FBXL17: variants seen among roughly 807,000 people sequenced by gnomAD.
FBXL17 encodes the protein F-box and leucine rich repeat protein 17.
Under a neutral mutation model 66.2 loss-of-function variants are expected in FBXL17, and 22 were observed. The observed-to-expected ratio is 0.33, with a 90% CI of 0.24 to 0.47. FBXL17 has a LOEUF of 0.47. Ranked by LOEUF, FBXL17 falls within the 20% of genes least tolerant of loss-of-function variation. The pLI, the probability that FBXL17 is intolerant of heterozygous loss-of-function variation, is 1.00. For synonymous variants in FBXL17, 474 were observed against 400.5 expected (o/e 1.18, Z -2.19); for missense variants, 878 against 948.2 (o/e 0.93, Z 0.97).
At chr5:108,156,261 A>C (rs1013042852) in intron 6 of FBXL17, among the ~76,000 whole-genome samples, 10 of 152,050 alleles carry the variant, frequency 6.6e-5, no homozygotes, top group African/African-American at 2.4e-4. Context: ...CACCTAGCAC[A>C]GTGTCAGAAT....
At chr5:108,346,151 A>G (rs868343682) in intron 4 of FBXL17, among the ~76,000 whole-genome samples, 1 of 152,128 alleles carries the variant, frequency 6.6e-6, no homozygotes, top group Non-Finnish European at 1.5e-5. Context: ...TTATTTCATA[A>G]ATTTTAAAAA....
intron 6 of FBXL17, among the ~76,000 whole-genome samples, chr5:108,043,577 T>G (rs532310737): frequency 6.6e-6 from 1 of 152,312 alleles, no homozygotes; most frequent in South Asian, 2.1e-4. Flanking sequence ...TCTGTTCCAT[T>G]AATCTGTATG....
At chr5:108,254,332 T>C (rs1414170308) in intron 4 of FBXL17, among the ~76,000 whole-genome samples, 1 of 152,242 alleles carries the variant, frequency 6.6e-6, no homozygotes, top group East Asian at 1.9e-4. Context: ...TATTCTCTGG[T>C]ATTTTAGAGG....
In FBXL17 at chr5:108,258,729, C is replaced by T. The variant is rs529228926; in HGVS notation, c.1507-34501G>A. On this transcript the variant is annotated intron_variant, in intron 4 of 8. Transcript: ENST00000542267. ...TAATTAAGGAAGTCAGGATAAATGG[C>T]CTTTAACATTTTTTTTTTTTTTTTT... Among the ~76,000 whole-genome samples, 24 of 147,882 alleles carry T rather than the reference C, an allele frequency of 1.6e-4. No homozygotes were observed. In the East Asian group the frequency reaches 4.9e-3, roughly 30 times the overall value.
intron 6 of FBXL17, among the ~76,000 whole-genome samples, chr5:108,052,874 G>A (rs1747537727): frequency 6.6e-6 from 1 of 152,082 alleles, no homozygotes; most frequent in Non-Finnish European, 1.5e-5. Flanking sequence ...ACAGAACAGA[G>A]ACCTCAGAAA....
intron 7 of FBXL17, among the ~76,000 whole-genome samples, chr5:107,897,921 G>T (rs192192567): frequency 1.6e-4 from 25 of 152,012 alleles, no homozygotes; most frequent in African/African-American, 5.5e-4. Context: ...AAGAAAGAAA[G>T]AAAGAAAGAA....
In FBXL17 at chr5:107,959,250, G is replaced by A. The variant is rs146761163; in HGVS notation, c.1822+61675C>T. Reference sequence around the variant, plus strand: ...CCCTGGGTCTAGCAGGGTACAAGGAGCACTTTGTGTACAGAGGGGTAGTCA... The same window carrying A: ...CCCTGGGTCTAGCAGGGTACAAGGAACACTTTGTGTACAGAGGGGTAGTCA... On this transcript the variant is annotated intron_variant, in intron 7 of 8. Transcript: ENST00000542267. 1.1e-4 allele frequency among the ~76,000 whole-genome samples: 16 copies of A among 152,178 alleles called. No individual in the cohort carries two copies. The South Asian group carries it at 1.9e-3, about 18-fold the overall frequency.
intron 7 of FBXL17, among the ~76,000 whole-genome samples, chr5:107,913,953 C>T (rs1750040038): frequency 6.7e-6 from 1 of 148,428 alleles, no homozygotes; most frequent in African/African-American, 2.4e-5. Flanking sequence ...AGGGGAAAGA[C>T]TTTAGGTTTC....
At chr5:108,061,080 A>G (rs1747901692) in intron 6 of FBXL17, among the ~76,000 whole-genome samples, 1 of 152,080 alleles carries the variant, frequency 6.6e-6, no homozygotes, top group Non-Finnish European at 1.5e-5. Flanking sequence ...TGAGGTCAGG[A>G]GTTCAAGGCC....
At position 108,381,930 on chromosome 5, in the gene FBXL17, G is replaced by A; in HGVS notation, c.-239C>T. 2 of 1,255,010 alleles carry A rather than the reference G, an allele frequency of 1.6e-6. No homozygotes were observed. The highest frequency in any genetic ancestry group is 2.0e-6 in the Non-Finnish European group (2 of 999,414). 77.7% of individuals were successfully genotyped at this position (1,255,010 alleles called of 1,614,324 possible). ...CAGGGAAGCCGGGAGAACGATGGGC[G>A]CGAGCTTTGGGGACGCGAGGGAGGG... On this transcript the variant is annotated 5_prime_UTR_variant, in exon 1 of 9. Transcript: ENST00000542267.
chr5:108,073,327 C>T (rs1431965322), intron 6 of FBXL17, among the ~76,000 whole-genome samples: 1 of 151,910 alleles, frequency 6.6e-6, no homozygotes, highest in Admixed American at 6.6e-5. Flanking sequence ...TATTAACACC[C>T]TGCTTAGTTT....
rs1451597035 is a variant in FBXL17 at position 108,381,558 on chromosome 5, G to A, written c.134C>T (p.Pro45Leu). 2.1e-6 allele frequency: 3 copies of A among 1,430,840 alleles called. No homozygotes were observed. Among genetic ancestry groups the A allele is most frequent in the South Asian group, 1.4e-5 (1 of 69,554 alleles). The allele number at this position is 1,430,840 out of a possible 1,614,324, so 88.6% of individuals were successfully genotyped here. ...RRTPAKVPPQ[P>L]AAPRSRDCFF... ...GCAGTCCCGGCTCCGGGGCGCCGCCGGCTGAGGGGGCACCTTGGCTGGGGT... is the reference window on the plus strand; with the variant it reads ...GCAGTCCCGGCTCCGGGGCGCCGCCAGCTGAGGGGGCACCTTGGCTGGGGT... Residue 45 changes from proline to leucine, a missense_variant, in exon 1 of 9, where the codon CCG (proline) becomes CTG (leucine). Pro to Leu is a moderately conservative substitution (Grantham distance 98, BLOSUM62 -3). Around this residue, in one of 4 missense-constraint regions of FBXL17, gnomAD observed 605 missense variants for 509.5 expected, o/e 1.19. Transcript: ENST00000542267.
chr5:108,222,633 C>G (rs1443210358), intron 5 of FBXL17, among the ~76,000 whole-genome samples: 1 of 147,316 alleles, frequency 6.8e-6, no homozygotes. Context: ...TAAAATCAAA[C>G]TTCGTACTAA....
chr5:107,913,676 T>C (rs1750027468), intron 7 of FBXL17, among the ~76,000 whole-genome samples: 1 of 152,142 alleles, frequency 6.6e-6, no homozygotes, highest in African/African-American at 2.4e-5. Context: ...GAGCACACTC[T>C]AACGCTTAGA....
At chr5:108,073,297 G>A (rs1748413622) in intron 6 of FBXL17, among the ~76,000 whole-genome samples, 1 of 152,082 alleles carries the variant, frequency 6.6e-6, no homozygotes, top group South Asian at 2.1e-4. Flanking sequence ...GGGGTGAAGA[G>A]AATACATATT....
intron 6 of FBXL17, among the ~76,000 whole-genome samples, chr5:108,072,314 C>T (rs548869820): frequency 1.1e-3 from 160 of 152,242 alleles, no homozygotes; most frequent in Middle Eastern, 6.8e-3. Flanking sequence ...CAAGCCTTTA[C>T]AAAATATTGT....
At chr5:108,173,263 G>T (rs754681355) in intron 6 of FBXL17, among the ~76,000 whole-genome samples, 3 of 152,144 alleles carry the variant, frequency 2.0e-5, no homozygotes, top group Non-Finnish European at 4.4e-5. Context: ...TCCCGGGATG[G>T]GGGAGGGATA....
intron 4 of FBXL17, among the ~76,000 whole-genome samples, chr5:108,287,588 T>C (rs914377653): frequency 6.6e-6 from 1 of 152,034 alleles, no homozygotes; most frequent in African/African-American, 2.4e-5. Flanking sequence ...CCAGTCAGAA[T>C]GACTATTATT....
At chr5:108,331,279 C>T (rs73781326) in intron 4 of FBXL17, among the ~76,000 whole-genome samples, 9,630 of 152,134 alleles carry the variant, frequency 0.063, 1,025 homozygotes, top group African/African-American at 0.22. Context: ...AGTATGAAGG[C>T]AGATATGAGC....
Sources: allele counts gnomAD v4.1 joint callset (sites outside exome capture counted in the v4.1 genomes callset), GRCh38; gene constraint gnomAD v4.1.1; regional missense constraint gnomAD v4.1.1; transcripts MANE v1.5; gene names NCBI Gene and HGNC (gene_info 2026-07-23, HGNC 2026-07-21).